GALNT6: variants seen among roughly 807,000 people sequenced by gnomAD.
The protein encoded by GALNT6 is polypeptide N-acetylgalactosaminyltransferase 6.
GALNT6 carries 51 observed loss-of-function variants against 65.9 expected under a neutral mutation model. The observed-to-expected ratio is 0.77, with a 90% confidence interval of 0.62 to 0.98. GALNT6 has a LOEUF of 0.98. GALNT6 is among the 50% of genes least tolerant of loss of function. The probability of loss-of-function intolerance (pLI) is 0.00; values close to 1 mark genes in which losing one functional copy is unlikely to be tolerated. For synonymous variants in GALNT6, 323 were observed against 315.1 expected, an observed-to-expected ratio of 1.02 and a Z score of -0.26; for missense variants, 708 against 803.3, an observed-to-expected ratio of 0.88 and a Z score of 1.43.
At chr12:51,357,305 C>CCGGTGAGG in intron 10 of GALNT6, 44 bp downstream of exon 10, 1 of 1,238,258 alleles carries the variant, frequency 8.1e-7, no homozygotes, top group Non-Finnish European at 1.2e-6. Context: ...AGAAAAGGAG[C>CCGGTGAGG]CGGTGAGGAG....
chr12:51,360,677 G>A (rs376284271), intron 7 of GALNT6, 44 bp downstream of exon 7: 19 of 1,108,372 alleles, frequency 1.7e-5, no homozygotes, highest in South Asian at 2.5e-5. Flanking sequence ...TCAAGCTGTC[G>A]CCTGGGATGT....
At chr12:51,368,019 T>G (rs865963768) in intron 4 of GALNT6, among the ~76,000 whole-genome samples, 6 of 141,884 alleles carry the variant, frequency 4.2e-5, no homozygotes, top group Middle Eastern at 7.0e-3. Flanking sequence ...GCCATGGAAT[T>G]TTTTTTTTTT....
rs140399344 is a variant in GALNT6 at position 51,370,902 on chromosome 12, G to A, written c.665-5323C>T. On this transcript the variant is annotated intron_variant, in intron 4 of 11. Transcript: ENST00000356317. The stretch of plus-strand genomic sequence containing the variant: ...GTTCCGGAGATGGTTGCACAATAAT[G>A]TGAATGCATTTAAAATCAATAAACT... Among the ~76,000 whole-genome samples the A allele has an allele frequency of 3.1e-3, 465 of 152,094 alleles. 5 individuals are homozygous for A. The highest frequency in any genetic ancestry group is 0.011 in the African/African-American group (448 of 41,482).
rs900701097 is a variant in GALNT6, at chr12:51,387,826, G to C, written c.-104+3024C>G. On this transcript the variant is annotated intron_variant, in intron 2 of 11. Transcript: ENST00000356317. The surrounding 1 kb of genome is among the most constrained non-coding windows in gnomAD (Gnocchi z 4.2). ...GTGATGAGAAGGGTGGAAGACAGGAGGGGTATTCCCGAAGGCCTCTTGGGC... is the reference window on the plus strand; with the variant it reads ...GTGATGAGAAGGGTGGAAGACAGGACGGGTATTCCCGAAGGCCTCTTGGGC... Among the ~76,000 whole-genome samples the C allele has an allele frequency of 6.6e-6, 1 of 152,172 alleles. No homozygotes were observed. Among genetic ancestry groups the C allele is most frequent in the African/African-American group, 2.4e-5 (1 of 41,418 alleles).
At chr12:51,391,673 G>T (rs1006084507), upstream of GALNT6, 1 of 152,228 alleles carries the variant, frequency 6.6e-6, no homozygotes, top group Admixed American at 6.5e-5. Flanking sequence ...CGGCCGGGAG[G>T]GTGGGACCGG....
rs1170661930 is a variant in GALNT6, at chr12:51,387,243, G to A, written c.-104+3607C>T. Among the ~76,000 whole-genome samples the A allele has an allele frequency of 6.6e-6, 1 of 151,972 alleles. No individual in the cohort carries two copies. The highest frequency in any genetic ancestry group is 1.5e-5 in the Non-Finnish European group (1 of 67,994). ...CTCCCGGGTAGCTGGGATTACAGGC[G>A]CCCGCCACCACGTCCGGCTAATTTT... On this transcript the variant is annotated intron_variant, in intron 2 of 11. Transcript: ENST00000356317. This position sits in a 1 kb window ranked among gnomAD's most constrained non-coding sequence, Gnocchi z 4.2.
intron 2 of GALNT6, among the ~76,000 whole-genome samples, chr12:51,384,885 AAAAAAT>A (rs1469980129): frequency 3.3e-5 from 5 of 152,216 alleles, no homozygotes; most frequent in African/African-American, 1.2e-4. Context: ...ACCCTGTCTC[AAAAAAT>A]AAAAATAAAT....
intron 2 of GALNT6, among the ~76,000 whole-genome samples, chr12:51,389,223 A>G (rs1290499784): frequency 3.3e-5 from 5 of 152,164 alleles, no homozygotes; most frequent in African/African-American, 1.2e-4. Context: ...GACACACCCA[A>G]CCTGGTCTTC....
chr12:51,364,453 C>T (rs1444903825), intron 5 of GALNT6, 98 bp from the exon 6 acceptor site: 1 of 800,378 alleles, frequency 1.2e-6, no homozygotes, highest in African/African-American at 1.7e-5. Flanking sequence ...AGAGACAGTC[C>T]ACCTACTCCT....
At chr12:51,382,941 C>T (rs11169821) in intron 2 of GALNT6, among the ~76,000 whole-genome samples, 92,991 of 152,018 alleles carry the variant, frequency 0.61, 31,624 homozygotes, top group Non-Finnish European at 0.77. Context: ...TATTGGAGAA[C>T]GAGAACTGAT....
intron 2 of GALNT6, among the ~76,000 whole-genome samples, chr12:51,380,660 G>T (rs762873353): frequency 1.3e-5 from 2 of 152,184 alleles, no homozygotes; most frequent in African/African-American, 2.4e-5. Context: ...GCGTGGTAGC[G>T]CATGCCTGTA....
At chr12:51,357,998 C>T in intron 9 of GALNT6, 132 bp downstream of exon 9, 1 of 867,574 alleles carries the variant, frequency 1.2e-6, no homozygotes, top group Non-Finnish European at 1.8e-6. Flanking sequence ...CCTCTCAGTC[C>T]TCCTCCTGGA....
rs1948060948 is a variant in GALNT6 at position 51,390,903 on chromosome 12, GT to G, written c.-158del. ...TTGGCCCTGGATGCAAGTAAAAGCTGTTTCTCCTTTTTGTCAGCCTGGGAAT... is the reference window on the plus strand; with the variant it reads ...TTGGCCCTGGATGCAAGTAAAAGCTGTTCTCCTTTTTGTCAGCCTGGGAAT... On this transcript the variant is annotated 5_prime_UTR_variant, in exon 2 of 12. An upstream open reading frame in the 5' UTR gains an earlier in-frame stop. Transcript: ENST00000356317. 6.6e-6 allele frequency: 1 copy of G among 152,358 alleles called. No homozygotes were observed. The highest frequency in any genetic ancestry group is 1.5e-5 in the Non-Finnish European group (1 of 68,138). 9.4% of individuals were successfully genotyped at this position (152,358 alleles called of 1,614,324 possible). A position where few individuals can be genotyped will look rare whatever the true frequency, so the allele number is the denominator to read the frequency against.
At position 51,387,368 on chromosome 12, in the gene GALNT6, A is replaced by T. The variant is rs1041500298; in HGVS notation, c.-104+3482T>A. 2.6e-5 allele frequency among the ~76,000 whole-genome samples: 4 copies of T among 152,110 alleles called. No homozygotes were observed. In the South Asian group the frequency reaches 8.3e-4, roughly 32 times the overall value. On this transcript the variant is annotated intron_variant, in intron 2 of 11. Transcript: ENST00000356317. The surrounding 1 kb of genome is among the most constrained non-coding windows in gnomAD (Gnocchi z 4.2). The stretch of plus-strand genomic sequence containing the variant: ...GTCTGCCTCGGCCTCCCAAAGTACT[A>T]GGATTACAGGTGTGAGCCAATGCAT...
At position 51,374,678 on chromosome 12, in the gene GALNT6, A is replaced by AGGGGC. The variant is rs1236672138; in HGVS notation, c.664+2516_664+2517insGCCCC. ...AATCTGGGAGAGCCCCAGACACCAC[A>AGGGGC]TGCCTCCTACGAGGAGGGCTAAGCT... On this transcript the variant is annotated intron_variant, in intron 4 of 11. Coordinates refer to ENST00000356317, the MANE Select transcript of GALNT6 (RefSeq NM_007210.4). 4.6e-5 allele frequency among the ~76,000 whole-genome samples: 7 copies of AGGGGC among 152,146 alleles called. No homozygotes were observed. The East Asian group carries it at 1.2e-3, about 25-fold the overall frequency.
At chr12:51,357,837 T>G (rs4761870) in intron 9 of GALNT6, among the ~76,000 whole-genome samples, 128,564 of 152,188 alleles carry the variant, frequency 0.84, 54,783 homozygotes, top group South Asian at 0.95. Flanking sequence ...CTCCCCTGAG[T>G]CCTTCTGAAT....
intron 7 of GALNT6, 73 bp from the exon 8 acceptor site, chr12:51,359,405 C>A: frequency 9.5e-7 from 1 of 1,049,492 alleles, no homozygotes; most frequent in South Asian, 1.5e-5. Flanking sequence ...CAGCTCTATT[C>A]TATTCCCAGA....
chr12:51,372,168 G>C (rs565978768), intron 4 of GALNT6, among the ~76,000 whole-genome samples: 12 of 152,252 alleles, frequency 7.9e-5, no homozygotes, highest in African/African-American at 2.9e-4. Context: ...CCAGGACCCA[G>C]AAAAATAAGA....
rs1231673245 is a variant in GALNT6 at position 51,377,217 on chromosome 12, C to CA, written c.641dup (p.Val215GlyfsTer3). On this transcript the variant is annotated frameshift_variant, in exon 4 of 12. Transcript: ENST00000356317. LOFTEE classifies it high-confidence loss of function. ...CACCCTCTGTGCTGGCATCATCCAC[C>CA]AGTATGATCTCCTTGAGCAAGATGG... 42 of 1,613,510 alleles carry CA rather than the reference C, an allele frequency of 2.6e-5. No homozygotes were observed. Among genetic ancestry groups the CA allele is most frequent in the Non-Finnish European group, 3.6e-5 (42 of 1,179,914 alleles).
Sources: gnomAD v4.1 joint callset for allele counts (sites outside exome capture counted in the v4.1 genomes callset) on GRCh38, gnomAD v4.1.1 for gene constraint, Gnocchi (gnomAD v3.1) non-coding constraint, MANE v1.5 for transcripts, NCBI Gene and HGNC (gene_info 2026-07-23, HGNC 2026-07-21) for gene names.